ZNF608: variants seen among roughly 807,000 people sequenced by gnomAD.
ZNF608 encodes the protein zinc finger protein 608, also known as renal carcinoma antigen NY-REN-36.
In ZNF608, 12 loss-of-function variants were observed where a neutral mutation model predicts 109.0. That is an observed-to-expected ratio of 0.11 (90% CI 0.07 to 0.18). ZNF608 has a LOEUF of 0.18. ZNF608 is among the 10% of genes least tolerant of loss of function. The pLI, the probability that ZNF608 is intolerant of heterozygous loss-of-function variation, is 1.00. For missense variants in ZNF608, 1,707 were observed against 1,879.3 expected (o/e 0.91, Z 1.70); for synonymous variants, 732 against 717.4 (o/e 1.02, Z -0.33).
Position 124,647,836 on chromosome 5 carries a change from G to A in ZNF608, c.2548C>T (p.Pro850Ser). The A allele has an allele frequency of 1.9e-6, 3 of 1,614,206 alleles. No homozygotes were observed. The highest frequency in any genetic ancestry group is 2.5e-6 in the Non-Finnish European group (3 of 1,180,032). ...AGATGATCCTTTAAAAAATGCCCAG[G>A]TAAATCTTTGCTGGCCCCCTTGGAG... ...EDSKGASKDL[P>S]GHFLKDHLNK... The change falls in exon 5 of 10, where the codon CCT becomes TCT. Residue 850 changes from proline (P) to serine (S), a missense_variant. This residue lies in a region of ZNF608 where 1,073 missense variants were observed against 1,133.5 expected (regional missense o/e 0.95). Coordinates refer to ENST00000513986, the MANE Select transcript of ZNF608 (RefSeq NM_020747.3).
At chr5:124,670,578 G>A (rs1751674986) in intron 3 of ZNF608, among the ~76,000 whole-genome samples, 1 of 152,220 alleles carries the variant, frequency 6.6e-6, no homozygotes, top group African/African-American at 2.4e-5. Context: ...GACGGTGAGT[G>A]TGCCTGAGGG....
At chr5:124,669,891 T>C (rs554413645) in intron 3 of ZNF608, among the ~76,000 whole-genome samples, 1 of 152,288 alleles carries the variant, frequency 6.6e-6, no homozygotes, top group South Asian at 2.1e-4. Context: ...CAAACTAAGA[T>C]ATACATAAAC....
At chr5:124,673,170 C>G (rs945899242) in intron 3 of ZNF608, among the ~76,000 whole-genome samples, 1 of 152,130 alleles carries the variant, frequency 6.6e-6, no homozygotes, top group South Asian at 2.1e-4. Context: ...GTTTGTGCAT[C>G]CTTTCAAATG....
At chr5:124,722,431 A>G (rs996087306) in intron 2 of ZNF608, among the ~76,000 whole-genome samples, 1 of 152,254 alleles carries the variant, frequency 6.6e-6, no homozygotes, top group African/African-American at 2.4e-5. Flanking sequence ...CCGGCTGTAA[A>G]TATTCCTAGG....
intron 2 of ZNF608, among the ~76,000 whole-genome samples, chr5:124,707,194 G>C (rs1753298951): frequency 6.6e-6 from 1 of 152,198 alleles, no homozygotes; most frequent in South Asian, 2.1e-4. Flanking sequence ...CCGACAGCCA[G>C]TGAGGATAGG....
intron 5 of ZNF608, among the ~76,000 whole-genome samples, chr5:124,646,269 G>A (rs1750500002): frequency 6.6e-6 from 1 of 152,136 alleles, no homozygotes; most frequent in African/African-American, 2.4e-5. Flanking sequence ...GCTGACGCAG[G>A]AGAATCGCTT....
intron 2 of ZNF608, among the ~76,000 whole-genome samples, chr5:124,725,931 C>T (rs1055561401): frequency 6.6e-6 from 1 of 152,108 alleles, no homozygotes; most frequent in Admixed American, 6.6e-5. Context: ...CTCTTTGCCC[C>T]TTATAGAAAA....
chr5:124,648,430 T>A lies in ZNF608; in HGVS notation c.1954A>T (p.Ile652Phe), dbSNP rs1033513646. Residue 652 changes from isoleucine (I) to phenylalanine (F), a missense_variant, in exon 5 of 10, where the codon ATT becomes TTT. Physicochemically the swap from Ile to Phe is conservative, Grantham distance 21. Transcript: ENST00000513986. ...ELMSNGPGSI[I>F]GAKAGKNSGK... ...GAATTCTTCCCAGCTTTAGCACCAA[T>A]AATGGAACCTGGGCCATTGCTCATC... 23 of 1,614,192 alleles carry A rather than the reference T, an allele frequency of 1.4e-5. No individual in the cohort carries two copies. The highest frequency in any genetic ancestry group is 1.9e-5 in the Non-Finnish European group (22 of 1,180,038).
At chr5:124,715,204 A>AAAT (rs1753643827) in intron 2 of ZNF608, among the ~76,000 whole-genome samples, 1 of 152,216 alleles carries the variant, frequency 6.6e-6, no homozygotes, top group Non-Finnish European at 1.5e-5. Context: ...ATGTAAATAA[A>AAAT]AATAAATGTT....
chr5:124,718,870 C>G (rs563162246), intron 2 of ZNF608, among the ~76,000 whole-genome samples: 4 of 152,166 alleles, frequency 2.6e-5, no homozygotes, highest in Non-Finnish European at 5.9e-5. Context: ...TGGAATGAAA[C>G]AAATGGAGTC....
chr5:124,638,701 T>A, intron 9 of ZNF608: 1 of 295,770 alleles, frequency 3.4e-6, no homozygotes, highest in South Asian at 8.6e-5. Flanking sequence ...AATTTTATAA[T>A]ATTAATAATT....
upstream of ZNF608, among the ~76,000 whole-genome samples, chr5:124,747,828 G>A (rs541981319): frequency 1.3e-5 from 2 of 152,310 alleles, no homozygotes; most frequent in East Asian, 3.9e-4. Flanking sequence ...GGCCAGGGAC[G>A]GGGACGCCTG....
intron 7 of ZNF608, among the ~76,000 whole-genome samples, chr5:124,642,676 C>A (rs1055170859): frequency 2.0e-5 from 3 of 150,444 alleles, no homozygotes; most frequent in Admixed American, 2.0e-4. Flanking sequence ...TCATTTTGAA[C>A]CAGATTTTCT....
At chr5:124,689,367 G>T (rs1309332253) in intron 3 of ZNF608, among the ~76,000 whole-genome samples, 3 of 151,776 alleles carry the variant, frequency 2.0e-5, no homozygotes, top group African/African-American at 7.3e-5. Flanking sequence ...AGGGAGTATA[G>T]CTTCAGTCAA....
rs958011183 is a variant in ZNF608 at position 124,712,873 on chromosome 5, G to A, written c.907-11604C>T. Among the ~76,000 whole-genome samples the A allele has an allele frequency of 3.3e-5, 5 of 152,078 alleles. No homozygotes were observed. The South Asian group carries it at 8.3e-4, about 25-fold the overall frequency. On this transcript the variant is annotated intron_variant, in intron 2 of 9. Transcript: ENST00000513986. ...TGAAAAAATGACTCCACACCATGCTGCAAGTCACCTATTTTTCCATTAGAT... is the reference window on the plus strand; with the variant it reads ...TGAAAAAATGACTCCACACCATGCTACAAGTCACCTATTTTTCCATTAGAT...
chr5:124,727,652 CAA>C (rs369834437), intron 2 of ZNF608, among the ~76,000 whole-genome samples: 6 of 82,444 alleles, frequency 7.3e-5, no homozygotes, highest in Non-Finnish European at 1.3e-4. Flanking sequence ...AAAATCAGAC[CAA>C]AAAAAAAAAA....
At chr5:124,741,189 C>G (rs1749379769) in intron 2 of ZNF608, among the ~76,000 whole-genome samples, 1 of 152,078 alleles carries the variant, frequency 6.6e-6, no homozygotes, top group Non-Finnish European at 1.5e-5. Context: ...GCGACTTTTA[C>G]AACATACTTG....
chr5:124,646,303 A>G (rs1750502020), intron 5 of ZNF608, among the ~76,000 whole-genome samples: 1 of 152,194 alleles, frequency 6.6e-6, no homozygotes, highest in Non-Finnish European at 1.5e-5. Flanking sequence ...GGTTGCAGAG[A>G]GCCAAGATTG....
intron 3 of ZNF608, among the ~76,000 whole-genome samples, chr5:124,660,191 TGTGA>T (rs57159152): frequency 0.12 from 17,925 of 150,276 alleles, 1,142 homozygotes; most frequent in Middle Eastern, 0.21. Flanking sequence ...TGTGTGTGTG[TGTGA>T]GAGAGAGAAT....
Sources: allele counts gnomAD v4.1 joint callset (sites outside exome capture counted in the v4.1 genomes callset), GRCh38; gene constraint gnomAD v4.1.1; regional missense constraint gnomAD v4.1.1; transcripts MANE v1.5; gene names NCBI Gene and HGNC (gene_info 2026-07-23, HGNC 2026-07-21).